Variants in RECQL5 observed in about 807,000 individuals in gnomAD.
RECQL5 encodes the protein ATP-dependent DNA helicase Q5.
A neutral mutation model predicts 103.4 loss-of-function variants in RECQL5; 88 were observed. The ratio of observed to expected loss-of-function variants is 0.85; its 90% CI spans 0.72 to 1.02. RECQL5 has a LOEUF of 1.02. RECQL5 is among the 50% of genes least tolerant of loss of function. The pLI is 0.00. For missense variants in RECQL5, 1,232 were observed against 1,284.3 expected (o/e 0.96, Z 0.62); for synonymous variants, 552 against 507.9 (o/e 1.09, Z -1.17).
chr17:75,661,459 AG>A, intron 5 of RECQL5, 146 bp downstream of exon 5: 1 of 639,712 alleles, frequency 1.6e-6, no homozygotes, highest in Non-Finnish European at 2.8e-6. Flanking sequence ...GACTCCTTTT[AG>A]GGGATTTAAG....
chr17:75,658,101 TA>T (rs1180767893), intron 7 of RECQL5, among the ~76,000 whole-genome samples, 196 bp downstream of exon 7: 2 of 152,080 alleles, frequency 1.3e-5, no homozygotes, highest in African/African-American at 2.4e-5. Flanking sequence ...AATATTTAAA[TA>T]TTTAGAAAGA....
At chr17:75,658,194 G>A (rs745723738) in intron 7 of RECQL5, 104 bp downstream of exon 7, 40 of 1,295,052 alleles carry the variant, frequency 3.1e-5, no homozygotes, top group Non-Finnish European at 4.2e-5. Context: ...GTTGGGAGCA[G>A]CCTCCTCTAG....
chr17:75,661,504 T>C (rs953554779), intron 5 of RECQL5, 102 bp downstream of exon 5: 9 of 786,926 alleles, frequency 1.1e-5, no homozygotes, highest in Non-Finnish European at 1.7e-5. Flanking sequence ...GTATCTGCAA[T>C]AAGATGGTGG....
In RECQL5 at chr17:75,628,427, G is replaced by A. The variant is rs755102989; in HGVS notation, c.2596C>T (p.Gln866Ter). 4.3e-6 allele frequency: 7 copies of A among 1,613,552 alleles called. No homozygotes were observed. Among genetic ancestry groups the A allele is most frequent in the Non-Finnish European group, 5.9e-6 (7 of 1,180,002 alleles). ...GAGGGGCGTGGCCTCTTCTGAGGCT[G>A]GCTCTCTGGGTTCTCCTGAGAAGGG... is the stretch of plus-strand genomic sequence containing the variant. The part of the protein sequence containing the change: ...PRSQQENPES[Q>*]PQKRPRPSAK... The change falls in exon 18 of 20, where the codon CAG becomes TAG. Residue 866 changes from glutamine to a stop codon, truncating the protein, a stop_gained. Coordinates refer to ENST00000317905, the MANE Select transcript of RECQL5 (RefSeq NM_004259.7). LOFTEE classifies it high-confidence loss of function.
At chr17:75,655,546 A>C (rs1398309845) in intron 7 of RECQL5, among the ~76,000 whole-genome samples, 1 of 150,710 alleles carries the variant, frequency 6.6e-6, no homozygotes, top group Non-Finnish European at 1.5e-5. Context: ...TTGTATTTTT[A>C]ATAGAGATGG....
intron 8 of RECQL5, chr17:75,650,714 A>G (rs369575074): frequency 6.2e-7 from 1 of 1,613,434 alleles, no homozygotes; most frequent in Non-Finnish European, 8.5e-7. Context: ...CCCCTGCCCC[A>G]TCGCCTGCAG....
intron 8 of RECQL5, chr17:75,650,670 A>G: frequency 6.2e-7 from 1 of 1,614,070 alleles, no homozygotes; most frequent in South Asian, 1.1e-5. Context: ...ACACAACCTG[A>G]CTACACCAAG....
At chr17:75,647,341 G>C in intron 8 of RECQL5, 1 of 1,517,876 alleles carries the variant, frequency 6.6e-7, no homozygotes, top group Non-Finnish European at 8.9e-7. Context: ...AGGGCTGCCT[G>C]CACTCAGGTC....
intron 8 of RECQL5, among the ~76,000 whole-genome samples, chr17:75,645,976 G>A (rs762934135): frequency 1.2e-4 from 19 of 152,208 alleles, no homozygotes; most frequent in Non-Finnish European, 1.5e-4. Flanking sequence ...GACACACAGT[G>A]CCTGGCATGG....
chr17:75,634,549 A>G (rs1419390868), intron 8 of RECQL5, among the ~76,000 whole-genome samples: 1 of 152,202 alleles, frequency 6.6e-6, no homozygotes, highest in Admixed American at 6.5e-5. Context: ...TTGGGAGAGA[A>G]TGGCTGCCGG....
intron 7 of RECQL5, among the ~76,000 whole-genome samples, chr17:75,653,673 T>C (rs1599041200): frequency 6.6e-6 from 1 of 152,032 alleles, no homozygotes; most frequent in African/African-American, 2.4e-5. Flanking sequence ...CTGAGGTAGG[T>C]GGATCACTTG....
intron 7 of RECQL5, 86 bp from the exon 8 acceptor site, chr17:75,651,351 G>T: frequency 6.7e-7 from 1 of 1,486,074 alleles, no homozygotes; most frequent in African/African-American, 1.4e-5. Flanking sequence ...GCCGAGTGCG[G>T]TGGCTCACGG....
chr17:75,630,788 C>G lies in RECQL5; in HGVS notation c.1635G>C (p.Leu545=). Residue 545 remains leucine (L), a synonymous_variant, in exon 12 of 20, where the codon CTG becomes CTC. Coordinates refer to ENST00000317905, the MANE Select transcript of RECQL5 (RefSeq NM_004259.7). ...KEASSRRIPR[L]TVKAREHCLR... is the part of the protein sequence containing the mutation. Reference sequence around the variant, plus strand: ...GCTGCCCGTCTCTTACCTTCACAGTCAGCCTGGGGATCCTCCTGCTAGAAG... The same window carrying G: ...GCTGCCCGTCTCTTACCTTCACAGTGAGCCTGGGGATCCTCCTGCTAGAAG... 6.5e-7 allele frequency: 1 copy of G among 1,549,708 alleles called. No homozygotes were observed. The highest frequency in any genetic ancestry group is 8.7e-7 in the Non-Finnish European group (1 of 1,147,120).
chr17:75,640,204 G>A lies in RECQL5; in HGVS notation c.1230-8536C>T. ...CCCCAACAGGAAGCCAGCGCGGCAT[G>A]GCTGCCACCGACTTCGTGCAGGAGA... On this transcript the variant is annotated intron_variant, in intron 8 of 19. Coordinates refer to ENST00000317905, the MANE Select transcript of RECQL5 (RefSeq NM_004259.7). This position sits in a 1 kb window ranked among gnomAD's most constrained non-coding sequence, Gnocchi z 4.6. 6.5e-7 allele frequency: 1 copy of A among 1,547,700 alleles called. No individual in the cohort carries two copies. The highest frequency in any genetic ancestry group is 8.7e-7 in the Non-Finnish European group (1 of 1,145,630).
rs999689533 is a variant in RECQL5 at position 75,628,214 on chromosome 17, C to G, written c.2805+4G>C. Reference sequence around the variant, plus strand: ...AGAAGGCAGAGCCCACTCACTCCCCCTACCTTGGAAGCAAACTTGCCCTCC... The same window carrying G: ...AGAAGGCAGAGCCCACTCACTCCCCGTACCTTGGAAGCAAACTTGCCCTCC... On this transcript the variant is annotated splice_donor_region_variant and intron_variant, in intron 18 of 19. Coordinates refer to ENST00000317905, the MANE Select transcript of RECQL5 (RefSeq NM_004259.7). The G allele has an allele frequency of 4.0e-5, 64 of 1,613,264 alleles. No individual in the cohort carries two copies. The highest frequency in any genetic ancestry group is 5.3e-5 in the Non-Finnish European group (62 of 1,179,386).
chr17:75,634,238 G>C, intron 8 of RECQL5: 1 of 985,548 alleles, frequency 1.0e-6, no homozygotes, highest in Non-Finnish European at 1.2e-6. Context: ...GGGGGGACAG[G>C]GAGGGAGCAG....
At chr17:75,634,662 T>A (rs527454223) in intron 8 of RECQL5, among the ~76,000 whole-genome samples, 1 of 152,352 alleles carries the variant, frequency 6.6e-6, no homozygotes, top group Admixed American at 6.5e-5. Context: ...GCAGCAGGAC[T>A]CTGCCCATCT....
At chr17:75,643,320 C>T (rs1239723008) in intron 8 of RECQL5, among the ~76,000 whole-genome samples, 1 of 152,258 alleles carries the variant, frequency 6.6e-6, no homozygotes, top group Non-Finnish European at 1.5e-5. Flanking sequence ...TATTCTGCTT[C>T]CCCAGCCCAG....
chr17:75,662,203 T>A (rs2059708840), intron 4 of RECQL5, among the ~76,000 whole-genome samples: 1 of 152,106 alleles, frequency 6.6e-6, no homozygotes, highest in Non-Finnish European at 1.5e-5. Context: ...CTCAACCTGT[T>A]TAACTTCTCT....
Sources: allele counts gnomAD v4.1 joint callset (sites outside exome capture counted in the v4.1 genomes callset), GRCh38; gene constraint gnomAD v4.1.1; non-coding constraint Gnocchi (gnomAD v3.1); transcripts MANE v1.5; gene names NCBI Gene and HGNC (gene_info 2026-07-23, HGNC 2026-07-21).